The following DSCAM variants were observed in gnomAD, a reference collection of about 807,000 sequenced individuals.
DSCAM encodes DS cell adhesion molecule.
DSCAM carries 47 observed loss-of-function variants against 217.7 expected under a neutral mutation model. The observed-to-expected ratio is 0.22, with a 90% CI of 0.17 to 0.28. The LOEUF is 0.28. Ranked by LOEUF, DSCAM falls within the 10% of genes least tolerant of loss-of-function variation. DSCAM has a pLI of 1.00. For synonymous variants in DSCAM, 1,056 were observed against 1,015.3 expected (o/e 1.04, Z -0.76); for missense variants, 2,080 against 2,618.3 (o/e 0.79, Z 4.49).
intron 19 of DSCAM, among the ~76,000 whole-genome samples, chr21:40,125,734 TA>T (rs918127631): frequency 1.3e-5 from 2 of 152,214 alleles, no homozygotes; most frequent in African/African-American, 4.8e-5. Context: ...GATCCTGGGT[TA>T]AAAAATCCCT....
At chr21:40,430,180 G>A (rs2075517041) in intron 3 of DSCAM, among the ~76,000 whole-genome samples, 1 of 152,174 alleles carries the variant, frequency 6.6e-6, no homozygotes, top group Non-Finnish European at 1.5e-5. Flanking sequence ...CTAGCTCAGT[G>A]CTATTTTAGG....
chr21:40,834,264 G>A (rs1035906041), intron 1 of DSCAM, among the ~76,000 whole-genome samples: 3 of 151,394 alleles, frequency 2.0e-5, no homozygotes, highest in Non-Finnish European at 2.9e-5. Context: ...AAAATTAGCC[G>A]GGCATGGTGG....
At chr21:40,458,203 A>G (rs1272324480) in intron 3 of DSCAM, among the ~76,000 whole-genome samples, 1 of 152,184 alleles carries the variant, frequency 6.6e-6, no homozygotes, top group East Asian at 1.9e-4. Context: ...AGGACAGATA[A>G]TTGACCTTCC....
At chr21:40,810,442 G>A (rs2091828047) in intron 1 of DSCAM, among the ~76,000 whole-genome samples, 1 of 152,190 alleles carries the variant, frequency 6.6e-6, no homozygotes, top group South Asian at 2.1e-4. Flanking sequence ...GTCTGTTCCT[G>A]GTGGGTAGTC....
intron 18 of DSCAM, 114 bp downstream of exon 18, chr21:40,142,444 G>T: frequency 8.6e-7 from 1 of 1,160,414 alleles, no homozygotes; most frequent in South Asian, 1.8e-5. Flanking sequence ...AGTGTCTATT[G>T]ATAAAGAGGT....
intron 16 of DSCAM, among the ~76,000 whole-genome samples, chr21:40,163,884 C>T (rs535531993): frequency 1.3e-5 from 2 of 152,252 alleles, no homozygotes; most frequent in Admixed American, 1.3e-4. Flanking sequence ...ATCCTGATAG[C>T]GGGGATGCCA....
At chr21:40,193,339 A>C (rs2090972188) in intron 11 of DSCAM, among the ~76,000 whole-genome samples, 1 of 138,044 alleles carries the variant, frequency 7.2e-6, no homozygotes, top group Admixed American at 7.3e-5. Context: ...TCCACTAATC[A>C]AGATTTTTTC....
intron 20 of DSCAM, among the ~76,000 whole-genome samples, chr21:40,119,569 G>T (rs188730992): frequency 2.0e-5 from 3 of 152,216 alleles, no homozygotes. Context: ...ATGATCCACA[G>T]AGATAGTGAA....
intron 3 of DSCAM, among the ~76,000 whole-genome samples, chr21:40,662,087 T>C (rs915383472): frequency 1.7e-4 from 26 of 151,748 alleles, no homozygotes; most frequent in African/African-American, 6.3e-4. Context: ...TTACAGAGGT[T>C]ACCTGAAGCC....
At chr21:40,325,839 G>A (rs2074311389) in intron 8 of DSCAM, among the ~76,000 whole-genome samples, 1 of 152,148 alleles carries the variant, frequency 6.6e-6, no homozygotes, top group South Asian at 2.1e-4. Context: ...AGGAATTTTG[G>A]AGAGTGGCTA....
chr21:40,576,785 A>G (rs1394393590), intron 3 of DSCAM, among the ~76,000 whole-genome samples: 5 of 152,078 alleles, frequency 3.3e-5, no homozygotes, highest in Non-Finnish European at 7.4e-5. Flanking sequence ...ATTTTTACGT[A>G]AGGTTCAAAT....
intron 30 of DSCAM, among the ~76,000 whole-genome samples, chr21:40,044,830 C>T (rs1568909981): frequency 6.6e-6 from 1 of 152,132 alleles, no homozygotes; most frequent in East Asian, 1.9e-4. Flanking sequence ...GAAGCTCAGC[C>T]CAGTGTGTTC....
intron 3 of DSCAM, among the ~76,000 whole-genome samples, chr21:40,669,245 G>A (rs2090241013): frequency 6.6e-6 from 1 of 152,056 alleles, no homozygotes; most frequent in Non-Finnish European, 1.5e-5. Flanking sequence ...TTTACCCTAA[G>A]ATACAAAAGC....
At chr21:40,203,329 A>T in intron 11 of DSCAM, among the ~76,000 whole-genome samples, 1 of 152,186 alleles carries the variant, frequency 6.6e-6, no homozygotes, top group Non-Finnish European at 1.5e-5. Flanking sequence ...CTTTCCTTTT[A>T]TACACAGAGT....
intron 3 of DSCAM, among the ~76,000 whole-genome samples, chr21:40,635,530 C>T (rs1399861534): frequency 6.6e-6 from 1 of 152,174 alleles, no homozygotes; most frequent in Non-Finnish European, 1.5e-5. Context: ...GGAGAGCAAG[C>T]TTGTTACTTT....
At chr21:40,209,697 C>A (rs2091163595) in intron 11 of DSCAM, among the ~76,000 whole-genome samples, 1 of 152,146 alleles carries the variant, frequency 6.6e-6, no homozygotes, top group Non-Finnish European at 1.5e-5. Context: ...GTGGCCTGGT[C>A]CTTCTTGGTC....
At chr21:40,450,833 A>G (rs1473186713) in intron 3 of DSCAM, among the ~76,000 whole-genome samples, 1 of 152,218 alleles carries the variant, frequency 6.6e-6, no homozygotes, top group Non-Finnish European at 1.5e-5. Context: ...AGGAACGCAT[A>G]TGTAAAATTT....
intron 20 of DSCAM, among the ~76,000 whole-genome samples, chr21:40,116,803 C>T (rs1447750487): frequency 6.6e-6 from 1 of 150,986 alleles, no homozygotes; most frequent in African/African-American, 2.4e-5. Context: ...GAGATCGAGA[C>T]CATCCTGGCT....
intron 24 of DSCAM, among the ~76,000 whole-genome samples, chr21:40,081,776 G>A (rs1031158873): frequency 3.3e-5 from 5 of 152,068 alleles, no homozygotes; most frequent in Non-Finnish European, 7.3e-5. Context: ...CACAACTTAC[G>A]ACACCTCCTG....
Sources: gnomAD v4.1 joint callset for allele counts (sites outside exome capture counted in the v4.1 genomes callset) on GRCh38, gnomAD v4.1.1 for gene constraint, MANE v1.5 for transcripts, NCBI Gene and HGNC (gene_info 2026-07-23, HGNC 2026-07-21) for gene names.